GRIK1: variants seen among roughly 807,000 people sequenced by gnomAD.
The protein encoded by GRIK1 is glutamate ionotropic receptor kainate type subunit 1.
Under a neutral mutation model 105.7 loss-of-function variants are expected in GRIK1, and 69 were observed. That is an observed-to-expected ratio of 0.65 (90% CI 0.54 to 0.80). The LOEUF is 0.80. Ranked by LOEUF, GRIK1 falls within the 30% of genes least tolerant of loss-of-function variation. The pLI is 0.00. For synonymous variants in GRIK1, 438 were observed against 431.3 expected, an observed-to-expected ratio of 1.02 and a Z score of -0.19; for missense variants, 1,109 against 1,167.3, an observed-to-expected ratio of 0.95 and a Z score of 0.73.
intron 7 of GRIK1, among the ~76,000 whole-genome samples, chr21:29,623,586 G>A (rs572994373): frequency 5.9e-5 from 9 of 151,970 alleles, no homozygotes; most frequent in South Asian, 2.1e-4. Context: ...TTACTTCTTC[G>A]TTTTTATCTT....
chr21:29,653,247 C>T (rs1456449851), intron 5 of GRIK1, among the ~76,000 whole-genome samples: 1 of 152,158 alleles, frequency 6.6e-6, no homozygotes, highest in East Asian at 1.9e-4. Context: ...AAGACAGAAA[C>T]TGCCAGAATA....
In GRIK1 at chr21:29,628,341, T is replaced by A. The variant is rs547862326; in HGVS notation, c.1098+14485A>T. ...ATGATGCATTTATCATATGTTCATC[T>A]GTTCAATATATAATTATTTTAACTA... On this transcript the variant is annotated intron_variant, in intron 7 of 17. Coordinates refer to ENST00000327783, the MANE Select transcript of GRIK1 (RefSeq NM_001330994.2). Among the ~76,000 whole-genome samples the A allele has an allele frequency of 8.5e-5, 13 of 152,372 alleles. No individual in the cohort carries two copies. The South Asian group carries it at 2.7e-3, about 32-fold the overall frequency.
intron 6 of GRIK1, among the ~76,000 whole-genome samples, chr21:29,646,468 T>C (rs1177267286): frequency 6.6e-6 from 1 of 151,524 alleles, no homozygotes; most frequent in Admixed American, 6.6e-5. Context: ...AAATCTGTCA[T>C]TGTGAGTATA....
At chr21:29,840,417 T>C (rs2067944040) in intron 1 of GRIK1, among the ~76,000 whole-genome samples, 1 of 152,168 alleles carries the variant, frequency 6.6e-6, no homozygotes, top group African/African-American at 2.4e-5. Context: ...AGTCTATAAA[T>C]AGCTTTGTCT....
At position 29,565,188 on chromosome 21, in the gene GRIK1, A is replaced by G. The variant is rs192407184; in HGVS notation, c.2131-3339T>C. On this transcript the variant is annotated intron_variant, in intron 14 of 17. Coordinates refer to ENST00000327783, the MANE Select transcript of GRIK1 (RefSeq NM_001330994.2). ...CCCCTTGCTATTCTCACTAGAGCAC[A>G]GTAATAGTAAACATAATGGGAGCAA... Among the ~76,000 whole-genome samples, 361 of 152,350 alleles carry G rather than the reference A, an allele frequency of 2.4e-3. 3 individuals are homozygous for G. Among genetic ancestry groups the G allele is most frequent in the African/African-American group, 8.5e-3 (352 of 41,582 alleles).
intron 9 of GRIK1, among the ~76,000 whole-genome samples, chr21:29,593,508 C>T (rs2061361675): frequency 6.6e-6 from 1 of 152,138 alleles, no homozygotes; most frequent in South Asian, 2.1e-4. Flanking sequence ...ATATACCTGT[C>T]TATTGATTTT....
chr21:29,638,184 A>G (rs2062435448), intron 7 of GRIK1, among the ~76,000 whole-genome samples: 1 of 152,084 alleles, frequency 6.6e-6, no homozygotes, highest in Admixed American at 6.6e-5. Flanking sequence ...AAGAGGTTTA[A>G]TTGACTCACT....
chr21:29,790,447 GTTTC>G (rs954612982), intron 1 of GRIK1, among the ~76,000 whole-genome samples: 7 of 151,596 alleles, frequency 4.6e-5, no homozygotes, highest in Non-Finnish European at 7.4e-5. Context: ...CAGTTTCGTA[GTTTC>G]TTTCTTTCTT....
Position 29,559,343 on chromosome 21 carries a change from G to T in GRIK1, c.2356+2281C>A, listed in dbSNP as rs363499. Among the ~76,000 whole-genome samples, 1,040 of 152,236 alleles carry T rather than the reference G, an allele frequency of 6.8e-3. 14 individuals are homozygous for T. Among genetic ancestry groups the T allele is most frequent in the African/African-American group, 0.023 (973 of 41,544 alleles). ...GCTTGGGGCAATAGGACATTGTTTT[G>T]AAAGTCAAAAAGAGGTATAATATCC... is the stretch of plus-strand genomic sequence containing the variant. On this transcript the variant is annotated intron_variant, in intron 15 of 17. Coordinates refer to ENST00000327783, the MANE Select transcript of GRIK1 (RefSeq NM_001330994.2).
At chr21:29,709,678 A>G (rs1156764796) in intron 1 of GRIK1, among the ~76,000 whole-genome samples, 2 of 151,976 alleles carry the variant, frequency 1.3e-5, no homozygotes, top group African/African-American at 2.4e-5. Flanking sequence ...GCTTTATTTT[A>G]TAGTTTTCAA....
chr21:29,614,181 A>C (rs1265439092), intron 7 of GRIK1, among the ~76,000 whole-genome samples: 3 of 152,098 alleles, frequency 2.0e-5, no homozygotes, highest in Non-Finnish European at 4.4e-5. Flanking sequence ...ATACATTAAT[A>C]TGGATCTGAA....
intron 1 of GRIK1, among the ~76,000 whole-genome samples, chr21:29,742,409 ACATC>A (rs2064952766): frequency 6.6e-6 from 1 of 152,194 alleles, no homozygotes; most frequent in African/African-American, 2.4e-5. Context: ...TTCAAGTACA[ACATC>A]CATTTCCTGG....
At chr21:29,924,079 C>A (rs1248100474) in intron 1 of GRIK1, among the ~76,000 whole-genome samples, 1 of 152,020 alleles carries the variant, frequency 6.6e-6, no homozygotes, top group Non-Finnish European at 1.5e-5. Flanking sequence ...GTGGCTCATG[C>A]CTATAATCCC....
At chr21:29,751,748 T>G (rs542715061) in intron 1 of GRIK1, among the ~76,000 whole-genome samples, 1 of 152,228 alleles carries the variant, frequency 6.6e-6, no homozygotes, top group African/African-American at 2.4e-5. Flanking sequence ...TGGTGGGTAC[T>G]GGTACATCTG....
At chr21:29,725,087 C>G (rs917641310) in intron 1 of GRIK1, among the ~76,000 whole-genome samples, 2 of 151,760 alleles carry the variant, frequency 1.3e-5, no homozygotes, top group Admixed American at 1.3e-4. Context: ...TGAGAGTCCA[C>G]TCAGTCAACG....
intron 1 of GRIK1, among the ~76,000 whole-genome samples, chr21:29,898,561 C>T (rs455478): frequency 0.22 from 33,462 of 151,870 alleles, 4,155 homozygotes; most frequent in African/African-American, 0.34. Context: ...AAAAGATCTC[C>T]CCGTTGCTTT....
At chr21:29,848,656 C>T (rs919633914) in intron 1 of GRIK1, among the ~76,000 whole-genome samples, 6 of 151,108 alleles carry the variant, frequency 4.0e-5, no homozygotes, top group Non-Finnish European at 8.8e-5. Flanking sequence ...TTCTTAATAT[C>T]ATCTACAAGG....
chr21:29,756,241 T>C (rs1038172332), intron 1 of GRIK1, among the ~76,000 whole-genome samples: 4 of 151,874 alleles, frequency 2.6e-5, no homozygotes, highest in Non-Finnish European at 5.9e-5. Flanking sequence ...ATTTGTGTGG[T>C]GTAGTGGCGG....
At chr21:29,913,675 AT>A (rs2070896653) in intron 1 of GRIK1, among the ~76,000 whole-genome samples, 1 of 91,028 alleles carries the variant, frequency 1.1e-5, no homozygotes, top group Non-Finnish European at 2.0e-5. Context: ...AACACTAAAT[AT>A]ATATATATAT....
Sources: gnomAD v4.1 joint callset for allele counts (sites outside exome capture counted in the v4.1 genomes callset) on GRCh38, gnomAD v4.1.1 for gene constraint, MANE v1.5 for transcripts, NCBI Gene and HGNC (gene_info 2026-07-23, HGNC 2026-07-21) for gene names.